The following CSMD1 variants were observed in gnomAD, a reference collection of about 807,000 sequenced individuals.
CSMD1 encodes the protein CUB and Sushi multiple domains 1, also known as CUB and sushi domain-containing protein 1.
CSMD1 carries 213 observed loss-of-function variants against 417.5 expected under a neutral mutation model. That is an observed-to-expected ratio of 0.51 (90% CI 0.46 to 0.57). The LOEUF (loss-of-function observed/expected upper bound fraction) is 0.57, where lower values mean the gene tolerates loss of function less well. CSMD1 is among the 20% of genes least tolerant of loss of function. The pLI is 0.00. For missense variants in CSMD1, 6,923 were observed against 4,529.7 expected (o/e 1.53, Z -15.17); for synonymous variants, 2,862 against 1,736.8 (o/e 1.65, Z -16.11).
chr8:3,902,803 GAATTA>G (rs1197945719), intron 5 of CSMD1, among the ~76,000 whole-genome samples: 7 of 152,038 alleles, frequency 4.6e-5, no homozygotes, highest in Admixed American at 3.9e-4. Flanking sequence ...CATTTTATGA[GAATTA>G]AATTACATAA....
chr8:3,998,253 T>C (rs1815378357), intron 4 of CSMD1, 143 bp from the exon 5 acceptor site: 1 of 674,730 alleles, frequency 1.5e-6, no homozygotes, highest in Non-Finnish European at 2.5e-6. Context: ...AAGAATCTTT[T>C]GGTATGTTAA....
At chr8:4,978,024 G>T (rs745710513) in intron 1 of CSMD1, among the ~76,000 whole-genome samples, 1 of 152,176 alleles carries the variant, frequency 6.6e-6, no homozygotes, top group Admixed American at 6.5e-5. Context: ...CGATGTGAGA[G>T]AGATACACAT....
intron 6 of CSMD1, among the ~76,000 whole-genome samples, chr8:3,719,768 G>T (rs1005070719): frequency 2.0e-5 from 3 of 152,140 alleles, no homozygotes; most frequent in African/African-American, 7.2e-5. Context: ...CTCCTGTGTG[G>T]AAGGCATTTC....
chr8:3,591,482 A>T, intron 8 of CSMD1, among the ~76,000 whole-genome samples: 1 of 152,314 alleles, frequency 6.6e-6, no homozygotes, highest in Non-Finnish European at 1.5e-5. Context: ...CATTGGTATC[A>T]TAACTATTTT....
intron 25 of CSMD1, among the ~76,000 whole-genome samples, chr8:3,284,957 C>G (rs549226410): frequency 1.5e-4 from 23 of 152,296 alleles, no homozygotes; most frequent in African/African-American, 5.3e-4. Context: ...TACCATACTT[C>G]TATTAGACTT....
At chr8:3,122,123 C>G (rs1353321562) in intron 41 of CSMD1, among the ~76,000 whole-genome samples, 2 of 152,090 alleles carry the variant, frequency 1.3e-5, no homozygotes, top group East Asian at 1.9e-4. Flanking sequence ...TAACTCAGTG[C>G]TATCTTTTGA....
chr8:4,771,669 C>A (rs948121057), intron 1 of CSMD1, among the ~76,000 whole-genome samples: 1 of 152,172 alleles, frequency 6.6e-6, no homozygotes, highest in African/African-American at 2.4e-5. Flanking sequence ...TTAAAACATA[C>A]GCAAAGTAAA....
At chr8:3,578,434 C>T (rs951387038) in intron 9 of CSMD1, among the ~76,000 whole-genome samples, 7 of 152,080 alleles carry the variant, frequency 4.6e-5, no homozygotes, top group Non-Finnish European at 8.8e-5. Flanking sequence ...TAATGGGTGT[C>T]GAGAAAATCT....
intron 12 of CSMD1, among the ~76,000 whole-genome samples, chr8:3,410,495 G>A (rs1451332406): frequency 2.6e-5 from 4 of 152,164 alleles, no homozygotes; most frequent in Admixed American, 2.0e-4. Context: ...TAAGGCTCAG[G>A]AGGTCTGATG....
At chr8:4,729,443 AG>A (rs1366004672) in intron 1 of CSMD1, among the ~76,000 whole-genome samples, 2 of 152,220 alleles carry the variant, frequency 1.3e-5, no homozygotes, top group African/African-American at 4.8e-5. Context: ...TTTGCGGCAG[AG>A]GGGAGCAGAG....
intron 3 of CSMD1, among the ~76,000 whole-genome samples, chr8:4,111,938 G>A (rs1432841625): frequency 6.6e-6 from 1 of 151,856 alleles, no homozygotes. Context: ...AATAAAGTAT[G>A]GCAAAAGCAC....
chr8:3,530,809 A>G (rs984143276), intron 10 of CSMD1, among the ~76,000 whole-genome samples: 2 of 150,172 alleles, frequency 1.3e-5, no homozygotes, highest in African/African-American at 4.9e-5. Flanking sequence ...TATTACAGGC[A>G]TGAGCCACCA....
chr8:4,180,616 CA>C (rs1322696691), intron 3 of CSMD1, among the ~76,000 whole-genome samples: 3 of 151,674 alleles, frequency 2.0e-5, no homozygotes, highest in Non-Finnish European at 4.4e-5. Context: ...AAATACAAAA[CA>C]AAACAGAACA....
chr8:4,290,664 C>A (rs985039622), intron 3 of CSMD1, among the ~76,000 whole-genome samples: 1 of 152,126 alleles, frequency 6.6e-6, no homozygotes, highest in Non-Finnish European at 1.5e-5. Context: ...AATTATGATC[C>A]AGGTTTAAGT....
At chr8:4,095,435 T>C (rs927440296) in intron 3 of CSMD1, among the ~76,000 whole-genome samples, 2 of 152,216 alleles carry the variant, frequency 1.3e-5, no homozygotes, top group Admixed American at 6.5e-5. Flanking sequence ...CTAGTGATTG[T>C]AGTTCTTTCT....
rs141173578 is a variant in CSMD1, at chr8:4,462,682, A to G, written c.303-42617T>C. Among the ~76,000 whole-genome samples the G allele has an allele frequency of 5.5e-3, 832 of 152,336 alleles. 6 individuals are homozygous for G. The highest frequency in any genetic ancestry group is 0.019 in the African/African-American group (779 of 41,584). The stretch of plus-strand genomic sequence containing the variant: ...AATTCACGTTCCAGAGATAAAAACC[A>G]CTGACATTACCCGTCAATTTGATTT... On this transcript the variant is annotated intron_variant, in intron 2 of 69. Transcript: ENST00000635120.
At chr8:4,903,447 T>A (rs1448396508) in intron 1 of CSMD1, among the ~76,000 whole-genome samples, 1 of 152,168 alleles carries the variant, frequency 6.6e-6, no homozygotes, top group Non-Finnish European at 1.5e-5. Flanking sequence ...AATGATACCG[T>A]GCTAAGGCAT....
chr8:3,379,613 C>T (rs1160931917), intron 18 of CSMD1, among the ~76,000 whole-genome samples: 1 of 152,088 alleles, frequency 6.6e-6, no homozygotes, highest in African/African-American at 2.4e-5. Flanking sequence ...AACCAACTGA[C>T]CTTTGACAAA....
chr8:4,833,119 G>A (rs1470220053), intron 1 of CSMD1, among the ~76,000 whole-genome samples: 1 of 152,042 alleles, frequency 6.6e-6, no homozygotes, highest in Non-Finnish European at 1.5e-5. Context: ...TCATTTATTC[G>A]TCATTCTGAG....
Sources: gnomAD v4.1 joint callset for allele counts (sites outside exome capture counted in the v4.1 genomes callset) on GRCh38, gnomAD v4.1.1 for gene constraint, MANE v1.5 for transcripts, NCBI Gene and HGNC (gene_info 2026-07-23, HGNC 2026-07-21) for gene names.